PTPRG: variants seen among roughly 807,000 people sequenced by gnomAD.
PTPRG encodes the protein protein tyrosine phosphatase receptor type G.
PTPRG carries 102 observed loss-of-function variants against 165.3 expected under a neutral mutation model. The observed-to-expected ratio is 0.62, with a 90% CI of 0.53 to 0.73. The LOEUF (loss-of-function observed/expected upper bound fraction) is 0.73, where lower values mean the gene tolerates loss of function less well. PTPRG is among the 30% of genes least tolerant of loss of function. The pLI is 0.00. For synonymous variants in PTPRG, 675 were observed against 669.5 expected, an observed-to-expected ratio of 1.01 and a Z score of -0.13; for missense variants, 1,866 against 1,861.4, an observed-to-expected ratio of 1.00 and a Z score of -0.05.
intron 1 of PTPRG, among the ~76,000 whole-genome samples, chr3:61,649,949 A>C (rs1285810097): frequency 6.6e-6 from 1 of 152,200 alleles, no homozygotes; most frequent in Non-Finnish European, 1.5e-5. Context: ...CATCAAGAAC[A>C]TCTTTTACAA....
intron 1 of PTPRG, among the ~76,000 whole-genome samples, chr3:61,615,546 C>T (rs952649523): frequency 2.6e-5 from 4 of 152,208 alleles, no homozygotes; most frequent in Non-Finnish European, 5.9e-5. Flanking sequence ...TGCCAGGCTT[C>T]CCCACTTAAA....
At chr3:62,211,480 T>C (rs1436473101) in intron 12 of PTPRG, among the ~76,000 whole-genome samples, 2 of 152,136 alleles carry the variant, frequency 1.3e-5, no homozygotes, top group African/African-American at 2.4e-5. Context: ...CACTTAGAAA[T>C]GGTTAAGATG....
Position 62,266,946 on chromosome 3 carries a change from G to T in PTPRG, c.2657-464G>T, listed in dbSNP as rs923866044. 9.9e-5 allele frequency among the ~76,000 whole-genome samples: 15 copies of T among 151,350 alleles called. 1 individual carries two copies. The highest frequency in any genetic ancestry group is 7.8e-4 in the East Asian group (4 of 5,148). Reference sequence around the variant, plus strand: ...TGAGATTACTCTTAACAAAAGCTCTGGTTTCCTCAATTCCTTAGGTTCTGT... The same window carrying T: ...TGAGATTACTCTTAACAAAAGCTCTTGTTTCCTCAATTCCTTAGGTTCTGT... On this transcript the variant is annotated intron_variant, in intron 17 of 29. Coordinates refer to ENST00000474889, the MANE Select transcript of PTPRG (RefSeq NM_002841.4).
At chr3:61,812,749 C>T (rs1322754409) in intron 2 of PTPRG, among the ~76,000 whole-genome samples, 1 of 152,224 alleles carries the variant, frequency 6.6e-6, no homozygotes, top group Non-Finnish European at 1.5e-5. Context: ...TCTCCCTGCC[C>T]ATGTTGGGCC....
At chr3:61,603,328 C>T (rs1700916429) in intron 1 of PTPRG, among the ~76,000 whole-genome samples, 1 of 152,118 alleles carries the variant, frequency 6.6e-6, no homozygotes, top group South Asian at 2.1e-4. Context: ...TTGGTGCTGT[C>T]TATGCCATAG....
chr3:62,092,932 G>A (rs1701990321), intron 5 of PTPRG, among the ~76,000 whole-genome samples: 1 of 152,184 alleles, frequency 6.6e-6, no homozygotes. Context: ...TAACAGGTTT[G>A]TGATGTGTTA....
chr3:61,669,808 G>A (rs1166828106), intron 1 of PTPRG, among the ~76,000 whole-genome samples: 1 of 152,188 alleles, frequency 6.6e-6, no homozygotes, highest in East Asian at 1.9e-4. Context: ...ACTGTGGACA[G>A]CTGGTTGGGT....
rs370393819 is a variant in PTPRG, at chr3:62,245,679, A to G, written c.2467+1781A>G. ...GCCTTTTGAGGTAACTGTCAAGACA[A>G]CAGTAGATGATATTTGTAAAAGCAC... On this transcript the variant is annotated intron_variant, in intron 15 of 29. Transcript: ENST00000474889. This position sits in a 1 kb window ranked among gnomAD's most constrained non-coding sequence, Gnocchi z 4.2. Among the ~76,000 whole-genome samples the G allele has an allele frequency of 6.6e-6, 1 of 152,080 alleles. No homozygotes were observed. Among genetic ancestry groups the G allele is most frequent in the East Asian group, 1.9e-4 (1 of 5,170 alleles).
At chr3:62,035,247 A>G (rs915966536) in intron 4 of PTPRG, among the ~76,000 whole-genome samples, 3 of 152,372 alleles carry the variant, frequency 2.0e-5, no homozygotes, top group African/African-American at 7.2e-5. Flanking sequence ...ATTCATGGTC[A>G]TCAGGCAGGG....
At chr3:61,833,215 T>C (rs1410799274) in intron 2 of PTPRG, among the ~76,000 whole-genome samples, 3 of 152,184 alleles carry the variant, frequency 2.0e-5, no homozygotes, top group Non-Finnish European at 2.9e-5. Context: ...CTGAAAGTTA[T>C]AAATTGAATT....
intron 5 of PTPRG, among the ~76,000 whole-genome samples, chr3:62,111,099 G>A (rs1702652914): frequency 2.0e-5 from 3 of 152,188 alleles, no homozygotes. Context: ...CTTCATACAT[G>A]TACACTGTAT....
chr3:62,111,504 C>T (rs939631553), intron 5 of PTPRG, among the ~76,000 whole-genome samples: 4 of 152,194 alleles, frequency 2.6e-5, no homozygotes, highest in South Asian at 2.1e-4. Flanking sequence ...GGCTGGAGTG[C>T]GGTGTCATGG....
In PTPRG at chr3:62,219,088, A is replaced by G. The variant is rs970856291; in HGVS notation, c.2288+105A>G. 1.4e-6 allele frequency: 2 copies of G among 1,450,520 alleles called. No individual in the cohort carries two copies. Among genetic ancestry groups the G allele is most frequent in the East Asian group, 2.3e-5 (1 of 42,734 alleles). The allele number at this position is 1,450,520 out of a possible 1,614,324, so 89.9% of individuals were successfully genotyped here. A position where few individuals can be genotyped will look rare whatever the true frequency, so the allele number is the denominator to read the frequency against. ...GCCTCTGCATTCAGGAAGGTGAGGT[A>G]GCTTAAGTGTTTCTGGTCTTGCCAC... On this transcript the variant is annotated intron_variant, in intron 13 of 29. Coordinates refer to ENST00000474889, the MANE Select transcript of PTPRG (RefSeq NM_002841.4). This position sits in a 1 kb window ranked among gnomAD's most constrained non-coding sequence, Gnocchi z 4.5.
At chr3:61,764,994 T>C (rs1200996441) in intron 2 of PTPRG, among the ~76,000 whole-genome samples, 4 of 152,194 alleles carry the variant, frequency 2.6e-5, no homozygotes, top group Admixed American at 2.6e-4. Context: ...TGGACCCAAA[T>C]GCCAATAGTG....
At chr3:61,742,920 C>G (rs192498535) in intron 1 of PTPRG, 1 of 1,469,274 alleles carries the variant, frequency 6.8e-7, no homozygotes, top group Non-Finnish European at 9.5e-7. Flanking sequence ...CACACACACA[C>G]AACTTAGGGC....
chr3:62,052,306 G>A (rs1700492577), intron 4 of PTPRG, among the ~76,000 whole-genome samples: 1 of 152,208 alleles, frequency 6.6e-6, no homozygotes, highest in African/African-American at 2.4e-5. Context: ...ATCCAGGTGT[G>A]TAGTTTATCG....
intron 1 of PTPRG, among the ~76,000 whole-genome samples, chr3:61,638,347 T>A (rs1279108045): frequency 6.6e-6 from 1 of 152,048 alleles, no homozygotes; most frequent in African/African-American, 2.4e-5. Flanking sequence ...ATTTAAGTAA[T>A]GTGTAGACCC....
intron 2 of PTPRG, among the ~76,000 whole-genome samples, chr3:61,791,398 C>A (rs1386328745): frequency 6.6e-6 from 1 of 152,188 alleles, no homozygotes; most frequent in African/African-American, 2.4e-5. Context: ...CTTTAGGAAC[C>A]AAAATGATTC....
In PTPRG at chr3:61,875,047, C is replaced by T. The variant is rs543110582; in HGVS notation, c.191-114578C>T. On this transcript the variant is annotated intron_variant, in intron 2 of 29. Coordinates refer to ENST00000474889, the MANE Select transcript of PTPRG (RefSeq NM_002841.4). ...GTTTTCTTTAGAAATTCTCACTCTT[C>T]TCTTTCCTCTGCCGCGAGCTCTTAT... Among the ~76,000 whole-genome samples, 3 of 152,330 alleles carry T rather than the reference C, an allele frequency of 2.0e-5. No homozygotes were observed. The East Asian group carries it at 5.8e-4, about 29-fold the overall frequency.
Sources: gnomAD v4.1 joint callset for allele counts (sites outside exome capture counted in the v4.1 genomes callset) on GRCh38, gnomAD v4.1.1 for gene constraint, Gnocchi (gnomAD v3.1) non-coding constraint, MANE v1.5 for transcripts, NCBI Gene and HGNC (gene_info 2026-07-23, HGNC 2026-07-21) for gene names.